The following PARVB variants were observed in gnomAD, a reference collection of about 807,000 sequenced individuals.
PARVB encodes the protein beta-parvin.
A neutral mutation model predicts 47.0 loss-of-function variants in PARVB; 46 were observed. The ratio of observed to expected loss-of-function variants is 0.98; its 90% CI spans 0.77 to 1.25. PARVB has a LOEUF of 1.25. Ranked by LOEUF, PARVB falls within the 50% of genes most tolerant of loss-of-function variation. PARVB has a pLI of 0.00. For missense variants in PARVB, 473 were observed against 471.6 expected, an observed-to-expected ratio of 1.00 and a Z score of -0.03; for synonymous variants, 196 against 196.3, an observed-to-expected ratio of 1.00 and a Z score of 0.01.
At chr22:44,114,725 A>G (rs1167164892) in intron 3 of PARVB, 1 of 114,428 alleles carries the variant, frequency 8.7e-6, no homozygotes, top group South Asian at 3.4e-4. Flanking sequence ...TTACTAAGTA[A>G]GGCCCTGCAC....
chr22:44,021,580 T>G (rs139570145), upstream of PARVB, among the ~76,000 whole-genome samples: 3 of 152,238 alleles, frequency 2.0e-5, no homozygotes, highest in Non-Finnish European at 4.4e-5. Context: ...AAAGATCTGC[T>G]TATTGCTATA....
intron 3 of PARVB, chr22:44,111,135 C>G (rs1356993096): frequency 6.6e-6 from 1 of 151,726 alleles, no homozygotes; most frequent in Non-Finnish European, 1.5e-5. Context: ...TGGAATCATT[C>G]CAGAGCTAGT....
intron 1 of PARVB, chr22:44,069,127 T>C (rs2051597131): frequency 6.2e-7 from 1 of 1,612,416 alleles, no homozygotes; most frequent in Non-Finnish European, 8.5e-7. Flanking sequence ...GCTGTGCTGG[T>C]CTGCAGAGCT....
intron 2 of PARVB, 105 bp downstream of exon 2, chr22:44,094,122 T>C (rs1293653884): frequency 3.3e-6 from 2 of 606,462 alleles, no homozygotes; most frequent in Non-Finnish European, 5.8e-6. Flanking sequence ...GGCCTCTTGA[T>C]CAGATGCTGG....
chr22:44,114,909 C>T (rs2052833239), intron 3 of PARVB: 1 of 117,010 alleles, frequency 8.5e-6, no homozygotes. Flanking sequence ...CTAAGTAAGG[C>T]CCTGTACCAA....
At chr22:44,047,221 G>C (rs2051129889) in intron 1 of PARVB, among the ~76,000 whole-genome samples, 1 of 152,198 alleles carries the variant, frequency 6.6e-6, no homozygotes, top group Non-Finnish European at 1.5e-5. Context: ...ATCTGGTTCT[G>C]GGGAGGCCTC....
intron 7 of PARVB, 48 bp downstream of exon 7, chr22:44,136,566 A>G (rs1162768216): frequency 6.6e-7 from 1 of 1,522,642 alleles, no homozygotes; most frequent in Non-Finnish European, 9.1e-7. Flanking sequence ...GCCCCGAGTG[A>G]GTGGGACCCC....
chr22:44,165,553 C>T (rs920895450), intron 12 of PARVB, among the ~76,000 whole-genome samples: 5 of 152,206 alleles, frequency 3.3e-5, no homozygotes, highest in African/African-American at 1.2e-4. Flanking sequence ...AGGGATGCTG[C>T]TTTGCCTCTC....
chr22:44,101,270 G>A lies in PARVB; in HGVS notation c.273+1147G>A, dbSNP rs529846800. 7.9e-5 allele frequency among the ~76,000 whole-genome samples: 12 copies of A among 152,036 alleles called. No homozygotes were observed. The East Asian group carries it at 1.4e-3, about 17-fold the overall frequency. ...TAAAAATACAAAAAATTAGCCGGGCGAGGTGGCGGGCACCTGTAGTCCCAG... is the reference window on the plus strand; with the variant it reads ...TAAAAATACAAAAAATTAGCCGGGCAAGGTGGCGGGCACCTGTAGTCCCAG... On this transcript the variant is annotated intron_variant, in intron 3 of 12. Transcript: ENST00000338758.
intron 1 of PARVB, among the ~76,000 whole-genome samples, chr22:44,043,294 C>T (rs764417807): frequency 2.5e-4 from 38 of 152,142 alleles, no homozygotes; most frequent in South Asian, 8.3e-4. Flanking sequence ...TTGGGGGTGA[C>T]GAAAATGTTC....
chr22:44,018,711 C>T (rs142004180), intron 2 of PARVB, among the ~76,000 whole-genome samples: 33 of 152,222 alleles, frequency 2.2e-4, no homozygotes, highest in African/African-American at 6.0e-4. Flanking sequence ...TCTCAATGGC[C>T]ACCTCCTTCC....
intron 1 of PARVB, among the ~76,000 whole-genome samples, chr22:44,046,990 G>A (rs974766185): frequency 2.6e-4 from 39 of 152,294 alleles, no homozygotes; most frequent in African/African-American, 7.9e-4. Context: ...CCCGGGGGCC[G>A]TAGCTACAGT....
At chr22:44,137,394 C>G (rs1472109007) in intron 7 of PARVB, among the ~76,000 whole-genome samples, 1 of 152,202 alleles carries the variant, frequency 6.6e-6, no homozygotes, top group Non-Finnish European at 1.5e-5. Context: ...TGGTTCTTTG[C>G]CCAGCACAGT....
rs983406415 is a variant in PARVB at position 44,132,264 on chromosome 22, G to A, written c.518-630G>A. ...GCCTGGCCTTGCACCCGGTTTCTTG[G>A]TATCGAGACCTTGGGCAGACCCAGG... On this transcript the variant is annotated intron_variant, in intron 5 of 12. Coordinates refer to ENST00000338758, the MANE Select transcript of PARVB (RefSeq NM_013327.5). Among the ~76,000 whole-genome samples the A allele has an allele frequency of 5.9e-5, 9 of 152,188 alleles. No homozygotes were observed. In the East Asian group the frequency reaches 1.7e-3, roughly 29 times the overall value.
chr22:44,039,970 A>C (rs1359480207), intron 1 of PARVB: 1 of 383,446 alleles, frequency 2.6e-6, no homozygotes, highest in East Asian at 9.0e-5. Flanking sequence ...GTGTACCACT[A>C]CACCCCGCTA....
intron 4 of PARVB, among the ~76,000 whole-genome samples, chr22:44,126,425 T>C (rs754515141): frequency 5.3e-5 from 8 of 152,224 alleles, no homozygotes; most frequent in Non-Finnish European, 1.2e-4. Context: ...CACTGTTGGG[T>C]ACCACTTGCT....
At chr22:44,026,738 G>A (rs992462787) in intron 1 of PARVB, among the ~76,000 whole-genome samples, 2 of 152,008 alleles carry the variant, frequency 1.3e-5, no homozygotes, top group Non-Finnish European at 2.9e-5. Context: ...CTGCACCGTC[G>A]GCTTCATTTC....
At chr22:44,015,164 T>TA (rs35523068) in intron 2 of PARVB, among the ~76,000 whole-genome samples, 59,945 of 143,734 alleles carry the variant, frequency 0.42, 12,961 homozygotes, top group East Asian at 0.65. Context: ...ACACAGCAAT[T>TA]AAAAAAAAAA....
chr22:44,168,933 G>A lies in PARVB; in HGVS notation c.*255G>A, dbSNP rs994406279. 4 of 448,348 alleles carry A rather than the reference G, an allele frequency of 8.9e-6. No homozygotes were observed. The highest frequency in any genetic ancestry group is 7.6e-5 in the Admixed American group (2 of 26,350). The allele number at this position is 448,348 out of a possible 1,614,324, so 27.8% of individuals were successfully genotyped here. Reference sequence around the variant, plus strand: ...CAGGATTCTAAACACTCGTGCTTGCGTTTGAAGCCTCGCGTCACTCAGTCG... The same window carrying A: ...CAGGATTCTAAACACTCGTGCTTGCATTTGAAGCCTCGCGTCACTCAGTCG... On this transcript the variant is annotated 3_prime_UTR_variant, in exon 13 of 13. Transcript: ENST00000338758.
Sources: gnomAD v4.1 joint callset for allele counts (sites outside exome capture counted in the v4.1 genomes callset) on GRCh38, gnomAD v4.1.1 for gene constraint, MANE v1.5 for transcripts, NCBI Gene and HGNC (gene_info 2026-07-23, HGNC 2026-07-21) for gene names.